Variants in RORA observed in about 807,000 individuals in gnomAD.
RORA encodes the protein nuclear receptor ROR-alpha.
In RORA, 7 loss-of-function variants were observed where a neutral mutation model predicts 69.5. That is an observed-to-expected ratio of 0.10 (90% CI 0.06 to 0.19). RORA has a LOEUF of 0.19. Ranked by LOEUF, RORA falls within the 10% of genes least tolerant of loss-of-function variation. RORA has a pLI of 1.00. For synonymous variants in RORA, 261 were observed against 240.8 expected (o/e 1.08, Z -0.78); for missense variants, 457 against 663.0 (o/e 0.69, Z 3.41).
At chr15:60,821,529 A>G (rs2140379347) in intron 1 of RORA, among the ~76,000 whole-genome samples, 1 of 152,228 alleles carries the variant, frequency 6.6e-6, no homozygotes, top group East Asian at 1.9e-4. Context: ...TCTCCTCTGT[A>G]TTCCTCAAAG....
intron 1 of RORA, among the ~76,000 whole-genome samples, chr15:61,225,895 A>G (rs905670372): frequency 1.3e-5 from 2 of 151,538 alleles, no homozygotes; most frequent in East Asian, 1.9e-4. Context: ...TTTCTCTTTC[A>G]TTGTGTTGTT....
rs750849858 is a variant in RORA, at chr15:60,511,042, T to A, written c.820+184A>T. Among the ~76,000 whole-genome samples, 1 of 152,196 alleles carries A rather than the reference T, an allele frequency of 6.6e-6. No homozygotes were observed. Among genetic ancestry groups the A allele is most frequent in the African/African-American group, 2.4e-5 (1 of 41,448 alleles). Reference sequence around the variant, plus strand: ...TAATGCTGAGAGGTCAATGCATGTATTGGATAAACCATGGGAAACAGCAGA... The same window carrying A: ...TAATGCTGAGAGGTCAATGCATGTAATGGATAAACCATGGGAAACAGCAGA... On this transcript the variant is annotated intron_variant, in intron 5 of 10. Transcript: ENST00000335670. The surrounding 1 kb of genome is among the most constrained non-coding windows in gnomAD (Gnocchi z 6.4).
At chr15:60,938,169 G>T (rs1232816115) in intron 1 of RORA, among the ~76,000 whole-genome samples, 4 of 152,140 alleles carry the variant, frequency 2.6e-5, no homozygotes, top group Non-Finnish European at 4.4e-5. Context: ...TATATATAAA[G>T]TACAGATATA....
At chr15:61,172,626 G>A (rs1019303060) in intron 1 of RORA, among the ~76,000 whole-genome samples, 5 of 152,178 alleles carry the variant, frequency 3.3e-5, no homozygotes, top group African/African-American at 7.2e-5. Flanking sequence ...GACCAATTCA[G>A]AGACTGCTTA....
intron 1 of RORA, among the ~76,000 whole-genome samples, chr15:61,066,418 C>CTTTTTTT (rs1168663714): frequency 4.7e-4 from 38 of 80,956 alleles, no homozygotes; most frequent in Middle Eastern, 0.012. Flanking sequence ...GGGCATATTC[C>CTTTTTTT]TTTTTTTTTT....
intron 3 of RORA, among the ~76,000 whole-genome samples, chr15:60,525,061 C>A (rs1237063831): frequency 6.6e-6 from 1 of 151,998 alleles, no homozygotes; most frequent in African/African-American, 2.4e-5. Flanking sequence ...TGAATAACAA[C>A]AACAACAACA....
In RORA at chr15:61,120,769, A is replaced by G. The variant is rs190482388; in HGVS notation, c.166+108284T>C. On this transcript the variant is annotated intron_variant, in intron 1 of 10. Coordinates refer to ENST00000335670, the MANE Select transcript of RORA (RefSeq NM_134261.3). The stretch of plus-strand genomic sequence containing the variant: ...ATTTTTAAACATGAATCAAAGCCTT[A>G]GATTCCACTATATACTACGGAGAAA... Among the ~76,000 whole-genome samples the G allele has an allele frequency of 4.4e-3, 673 of 151,808 alleles. 1 individual carries two copies. Among genetic ancestry groups the G allele is most frequent in the Non-Finnish European group, 7.2e-3 (486 of 67,930 alleles).
chr15:60,705,949 G>C (rs908471411), intron 1 of RORA, among the ~76,000 whole-genome samples: 1 of 152,128 alleles, frequency 6.6e-6, no homozygotes, highest in Non-Finnish European at 1.5e-5. Context: ...AGGGTCCCCA[G>C]GTGAAAGGGA....
chr15:60,573,903 G>C (rs939656089), intron 2 of RORA, among the ~76,000 whole-genome samples: 1 of 152,226 alleles, frequency 6.6e-6, no homozygotes, highest in Non-Finnish European at 1.5e-5. Context: ...CTTGAAGGCA[G>C]GGACCACTTC....
intron 2 of RORA, among the ~76,000 whole-genome samples, chr15:60,583,335 C>T (rs542786257): frequency 2.0e-5 from 3 of 152,358 alleles, no homozygotes; most frequent in Middle Eastern, 6.8e-3. Context: ...CACTGATCAG[C>T]TTCCAGGGCA....
chr15:61,024,682 A>C (rs376678322), intron 1 of RORA, among the ~76,000 whole-genome samples: 1 of 151,964 alleles, frequency 6.6e-6, no homozygotes, highest in African/African-American at 2.4e-5. Flanking sequence ...AACTCCTGAC[A>C]TCACATGACC....
intron 1 of RORA, among the ~76,000 whole-genome samples, chr15:60,897,215 C>T (rs1465464361): frequency 1.3e-5 from 2 of 152,202 alleles, no homozygotes; most frequent in Non-Finnish European, 2.9e-5. Flanking sequence ...TCTGCCACTT[C>T]ACTCATCTGT....
intron 1 of RORA, among the ~76,000 whole-genome samples, chr15:60,954,315 A>G (rs1595843422): frequency 7.3e-6 from 1 of 137,300 alleles, no homozygotes; most frequent in Non-Finnish European, 1.6e-5. Context: ...GGGGGGAGGG[A>G]TAGCATTGGG....
chr15:60,662,609 C>T (rs797001222), intron 2 of RORA, among the ~76,000 whole-genome samples: 3 of 151,322 alleles, frequency 2.0e-5, no homozygotes, highest in African/African-American at 7.3e-5. Context: ...GCTTCCAGGA[C>T]CAGAAATCCT....
At chr15:60,875,363 A>G (rs1236893999) in intron 1 of RORA, among the ~76,000 whole-genome samples, 2 of 152,208 alleles carry the variant, frequency 1.3e-5, no homozygotes, top group African/African-American at 4.8e-5. Context: ...AACACAACCT[A>G]TACAATTTAA....
intron 2 of RORA, among the ~76,000 whole-genome samples, chr15:60,549,422 TA>T (rs1472169771): frequency 6.6e-6 from 1 of 152,218 alleles, no homozygotes; most frequent in South Asian, 2.1e-4. Flanking sequence ...AGGCTAAATA[TA>T]AAAGAGTATT....
At chr15:61,218,914 T>C (rs1006752213) in intron 1 of RORA, among the ~76,000 whole-genome samples, 29 of 152,180 alleles carry the variant, frequency 1.9e-4, no homozygotes, top group African/African-American at 6.8e-4. Flanking sequence ...TCCTCTACTT[T>C]GAGAAAACAA....
At chr15:60,883,014 C>T (rs1171091643) in intron 1 of RORA, among the ~76,000 whole-genome samples, 2 of 149,436 alleles carry the variant, frequency 1.3e-5, no homozygotes, top group Admixed American at 6.7e-5. Context: ...GCCTGTAATC[C>T]CAGTTGCTCG....
chr15:60,781,972 A>T (rs2140339476), intron 1 of RORA, among the ~76,000 whole-genome samples: 1 of 152,320 alleles, frequency 6.6e-6, no homozygotes, highest in South Asian at 2.1e-4. Flanking sequence ...CACGCCTGTA[A>T]TCCCAGCACT....
Sources: allele counts gnomAD v4.1 joint callset (sites outside exome capture counted in the v4.1 genomes callset), GRCh38; gene constraint gnomAD v4.1.1; non-coding constraint Gnocchi (gnomAD v3.1); transcripts MANE v1.5; gene names NCBI Gene and HGNC (gene_info 2026-07-23, HGNC 2026-07-21).